PDE4B: variants seen among roughly 807,000 people sequenced by gnomAD.
PDE4B encodes 3',5'-cyclic-AMP phosphodiesterase 4B.
In PDE4B, 20 loss-of-function variants were observed where a neutral mutation model predicts 82.2. The observed-to-expected ratio is 0.24, with a 90% CI of 0.17 to 0.35. The LOEUF (loss-of-function observed/expected upper bound fraction) is 0.35. Ranked by LOEUF, PDE4B falls within the 10% of genes least tolerant of loss-of-function variation. PDE4B has a pLI of 1.00. For missense variants in PDE4B, 655 were observed against 907.2 expected (o/e 0.72, Z 3.57); for synonymous variants, 320 against 318.9 (o/e 1.00, Z -0.04).
chr1:66,065,241 CTATT>C (rs1478924370), intron 3 of PDE4B, among the ~76,000 whole-genome samples: 2 of 151,882 alleles, frequency 1.3e-5, no homozygotes, highest in African/African-American at 4.8e-5. Flanking sequence ...ATTAATTCAT[CTATT>C]CATTCATTCA....
chr1:65,966,291 A>G (rs1649827881), intron 3 of PDE4B, among the ~76,000 whole-genome samples: 2 of 152,206 alleles, frequency 1.3e-5, no homozygotes, highest in African/African-American at 4.8e-5. Flanking sequence ...GTGAACTCCC[A>G]TTCACAATTG....
chr1:66,349,487 T>C (rs936915261), intron 8 of PDE4B, among the ~76,000 whole-genome samples: 2 of 152,204 alleles, frequency 1.3e-5, no homozygotes, highest in African/African-American at 4.8e-5. Flanking sequence ...ACCAAAGGTT[T>C]GCTGCAGATG....
At chr1:66,131,592 G>GATATATATATATATATATATAT (rs71058452) in intron 3 of PDE4B, among the ~76,000 whole-genome samples, 2 of 32,866 alleles carry the variant, frequency 6.1e-5, no homozygotes, top group Non-Finnish European at 7.9e-5. Context: ...CTGAATGCCA[G>GATATATATATATATATATATAT]ATATATATAT....
intron 1 of PDE4B, among the ~76,000 whole-genome samples, chr1:65,867,101 A>C (rs1237992457): frequency 6.6e-6 from 1 of 152,232 alleles, no homozygotes; most frequent in Non-Finnish European, 1.5e-5. Context: ...GATAACAAGT[A>C]AATAATTATT....
chr1:65,956,720 A>G (rs747205363), intron 3 of PDE4B, among the ~76,000 whole-genome samples: 3 of 152,290 alleles, frequency 2.0e-5, no homozygotes, highest in East Asian at 1.9e-4. Flanking sequence ...AATGTTATGT[A>G]TACCTGTCTC....
At chr1:66,328,640 C>T (rs1372412267) in intron 7 of PDE4B, among the ~76,000 whole-genome samples, 1 of 152,230 alleles carries the variant, frequency 6.6e-6, no homozygotes, top group Non-Finnish European at 1.5e-5. Flanking sequence ...ACCTGCCTGT[C>T]TCCCTGGACA....
chr1:66,065,981 T>C (rs1322050175), intron 3 of PDE4B, among the ~76,000 whole-genome samples: 1 of 151,808 alleles, frequency 6.6e-6, no homozygotes, highest in African/African-American at 2.4e-5. Flanking sequence ...TATATACATG[T>C]GTTAGTAGTA....
intron 4 of PDE4B, among the ~76,000 whole-genome samples, chr1:66,254,003 C>A (rs1345113789): frequency 6.6e-6 from 1 of 152,126 alleles, no homozygotes; most frequent in Non-Finnish European, 1.5e-5. Flanking sequence ...TTAATAACTC[C>A]TCCAACTCAT....
chr1:66,016,961 T>C (rs1352665912), intron 3 of PDE4B, among the ~76,000 whole-genome samples: 1 of 151,972 alleles, frequency 6.6e-6, no homozygotes, highest in Non-Finnish European at 1.5e-5. Flanking sequence ...AGGAGAAGAG[T>C]ATGGGCTCTT....
chr1:66,186,782 G>A (rs2485387), intron 3 of PDE4B, among the ~76,000 whole-genome samples: 28,716 of 152,102 alleles, frequency 0.19, 2,837 homozygotes, highest in Non-Finnish European at 0.22. Context: ...TCTGCAAACA[G>A]GGACAATTTG....
chr1:65,852,346 T>C (rs1039191145), intron 1 of PDE4B, among the ~76,000 whole-genome samples: 2 of 151,982 alleles, frequency 1.3e-5, no homozygotes, highest in African/African-American at 4.8e-5. Context: ...GTTCAGAAAC[T>C]TTTATGGTTC....
Position 66,192,629 on chromosome 1 carries a change from T to G in PDE4B, c.282-54831T>G, listed in dbSNP as rs968950594. Reference sequence around the variant, plus strand: ...TCTCAAGAAATATAGGAAATATCCGTTAAAGTGAATATTCTTTTGACAATG... The same window carrying G: ...TCTCAAGAAATATAGGAAATATCCGGTAAAGTGAATATTCTTTTGACAATG... On this transcript the variant is annotated intron_variant, in intron 3 of 16. Transcript: ENST00000341517. Among the ~76,000 whole-genome samples, 20 of 152,310 alleles carry G rather than the reference T, an allele frequency of 1.3e-4. No individual in the cohort carries two copies. In the South Asian group the frequency reaches 3.9e-3, roughly 30 times the overall value.
intron 3 of PDE4B, among the ~76,000 whole-genome samples, chr1:66,078,590 T>C (rs1007904415): frequency 2.6e-5 from 4 of 152,128 alleles, no homozygotes; most frequent in African/African-American, 7.2e-5. Context: ...CTATGTAGCA[T>C]GTGCTTAATC....
At chr1:65,920,298 T>A (rs888013084) in intron 3 of PDE4B, among the ~76,000 whole-genome samples, 1 of 152,218 alleles carries the variant, frequency 6.6e-6, no homozygotes, top group Non-Finnish European at 1.5e-5. Flanking sequence ...ACTATTCTCC[T>A]GAAGCCTCTA....
At chr1:66,267,411 G>A (rs1004298324) in intron 7 of PDE4B, 2 of 152,226 alleles carry the variant, frequency 1.3e-5, no homozygotes, top group African/African-American at 4.8e-5. Flanking sequence ...TGGCCTACCA[G>A]TGAGGCAATG....
chr1:65,840,245 C>T (rs937774177), intron 1 of PDE4B, among the ~76,000 whole-genome samples: 1 of 151,924 alleles, frequency 6.6e-6, no homozygotes, highest in Non-Finnish European at 1.5e-5. Flanking sequence ...AGCAAATGAA[C>T]ATAAATTCCT....
At chr1:65,956,221 A>AT (rs1438235583) in intron 3 of PDE4B, among the ~76,000 whole-genome samples, 5 of 152,212 alleles carry the variant, frequency 3.3e-5, no homozygotes, top group Admixed American at 6.5e-5. Flanking sequence ...TACTACTGGG[A>AT]TATATTTAAG....
chr1:66,223,524 C>T (rs1284419735), intron 3 of PDE4B, among the ~76,000 whole-genome samples: 1 of 152,148 alleles, frequency 6.6e-6, no homozygotes, highest in Non-Finnish European at 1.5e-5. Flanking sequence ...AATGAATCTT[C>T]CCTAACCTTT....
chr1:66,010,856 G>A (rs1016118358), intron 3 of PDE4B, among the ~76,000 whole-genome samples: 9 of 148,732 alleles, frequency 6.1e-5, no homozygotes, highest in Non-Finnish European at 1.3e-4. Flanking sequence ...ATTAATCTTC[G>A]TGGGGATGAT....
Sources: allele counts gnomAD v4.1 joint callset (sites outside exome capture counted in the v4.1 genomes callset), GRCh38; gene constraint gnomAD v4.1.1; transcripts MANE v1.5; gene names NCBI Gene and HGNC (gene_info 2026-07-23, HGNC 2026-07-21).